Variants in PDE3A observed in about 807,000 individuals in gnomAD.
PDE3A encodes cGMP-inhibited 3',5'-cyclic phosphodiesterase 3A.
PDE3A carries 43 observed loss-of-function variants against 98.3 expected under a neutral mutation model. The observed-to-expected ratio is 0.44, with a 90% CI of 0.34 to 0.56. The LOEUF (loss-of-function observed/expected upper bound fraction) is 0.56. Ranked by LOEUF, PDE3A falls within the 20% of genes least tolerant of loss-of-function variation. PDE3A has a pLI of 0.01. For synonymous variants in PDE3A, 663 were observed against 567.9 expected (o/e 1.17, Z -2.38); for missense variants, 1,427 against 1,440.7 (o/e 0.99, Z 0.15).
chr12:20,508,609 C>T (rs913110654), intron 1 of PDE3A, among the ~76,000 whole-genome samples: 5 of 151,868 alleles, frequency 3.3e-5, no homozygotes, highest in African/African-American at 9.7e-5. Context: ...AGACGTCATA[C>T]CCTTTAAAGT....
At chr12:20,667,909 G>C (rs1042353442) in intron 15 of PDE3A, among the ~76,000 whole-genome samples, 1 of 152,210 alleles carries the variant, frequency 6.6e-6, no homozygotes, top group African/African-American at 2.4e-5. Flanking sequence ...GCAGAAGATG[G>C]TGATTTCTGC....
chr12:20,639,217 C>T (rs1333902336), intron 9 of PDE3A, among the ~76,000 whole-genome samples: 2 of 151,884 alleles, frequency 1.3e-5, no homozygotes, highest in East Asian at 1.9e-4. Flanking sequence ...AAAATTGCTA[C>T]AAAATATTTT....
intron 1 of PDE3A, among the ~76,000 whole-genome samples, chr12:20,503,474 C>T (rs1055795436): frequency 3.3e-5 from 5 of 151,956 alleles, no homozygotes; most frequent in African/African-American, 1.2e-4. Context: ...TTCTCCTCCT[C>T]ATCGATTTTC....
chr12:20,609,161 A>G (rs1298100569), intron 2 of PDE3A, among the ~76,000 whole-genome samples: 1 of 152,190 alleles, frequency 6.6e-6, no homozygotes, highest in East Asian at 1.9e-4. Context: ...CTTTATATGT[A>G]GAAAACCACA....
chr12:20,457,964 C>T lies in PDE3A; in HGVS notation c.960+87720C>T, dbSNP rs188442977. 3.0e-3 allele frequency among the ~76,000 whole-genome samples: 461 copies of T among 152,082 alleles called. 2 individuals carry two copies. Among genetic ancestry groups the T allele is most frequent in the Non-Finnish European group, 3.4e-3 (230 of 67,942 alleles). ...AGATATTATGATTACTTTTGTGATTCGTTTAGATACTAACTTTACTAATTG... is the reference window on the plus strand; with the variant it reads ...AGATATTATGATTACTTTTGTGATTTGTTTAGATACTAACTTTACTAATTG... On this transcript the variant is annotated intron_variant, in intron 1 of 15. Coordinates refer to ENST00000359062, the MANE Select transcript of PDE3A (RefSeq NM_000921.5).
rs572991048 is a variant in PDE3A at position 20,589,494 on chromosome 12, A to G, written c.1012-23949A>G. 1.5e-3 allele frequency among the ~76,000 whole-genome samples: 224 copies of G among 152,294 alleles called. 1 individual carries two copies. Among genetic ancestry groups the G allele is most frequent in the Non-Finnish European group, 2.2e-3 (147 of 68,014 alleles). ...AACAGAAGTAGAAGGTTTGCTGGCA[A>G]TAGGTCTGTGCATTATGCTGAGATA... is the stretch of plus-strand genomic sequence containing the variant. On this transcript the variant is annotated intron_variant, in intron 2 of 15. Transcript: ENST00000359062.
chr12:20,637,162 G>T lies in PDE3A; in HGVS notation c.2064G>T (p.Gln688His). Residue 688 changes from glutamine to histidine, a missense_variant, in exon 9 of 16, where the codon CAG (glutamine) becomes CAT (histidine). Around this residue, in one of 3 missense-constraint regions of PDE3A, gnomAD observed 1,012 missense variants for 886.5 expected, o/e 1.14. Coordinates refer to ENST00000359062, the MANE Select transcript of PDE3A (RefSeq NM_000921.5). ...VMDNLDSIME[Q>H]LNTWNFPIFD... ...ATAACCTGGACTCAATTATGGAGCA[G>T]CTAAATACTTGGAATTTTCCAATTT... The T allele has an allele frequency of 6.2e-7, 1 of 1,609,720 alleles. No homozygotes were observed. The highest frequency in any genetic ancestry group is 1.1e-5 in the South Asian group (1 of 90,766).
In PDE3A at chr12:20,552,313, G is replaced by A. The variant is rs756395604; in HGVS notation, c.961-4347G>A. The A allele has an allele frequency of 1.2e-5, 19 of 1,613,850 alleles. No individual in the cohort carries two copies. Among genetic ancestry groups the A allele is most frequent in the Non-Finnish European group, 1.5e-5 (18 of 1,179,906 alleles). ...CCGCTACGATGGCATCTACAAGGTT[G>A]TGAAATACTGGCCCGAGAAGGGGAA... On this transcript the variant is annotated intron_variant, in intron 1 of 15. Transcript: ENST00000359062. The surrounding 1 kb of genome is among the most constrained non-coding windows in gnomAD (Gnocchi z 5.1).
chr12:20,522,654 T>C (rs1000884711), intron 1 of PDE3A, among the ~76,000 whole-genome samples: 1 of 152,092 alleles, frequency 6.6e-6, no homozygotes, highest in Non-Finnish European at 1.5e-5. Context: ...ACGGTTGGAA[T>C]TGTGATGTCT....
chr12:20,616,926 A>T (rs1243362373), intron 4 of PDE3A, among the ~76,000 whole-genome samples: 3 of 152,242 alleles, frequency 2.0e-5, no homozygotes, highest in Non-Finnish European at 4.4e-5. Flanking sequence ...CTTAAAAGCC[A>T]GAATTATCAA....
intron 1 of PDE3A, among the ~76,000 whole-genome samples, chr12:20,424,784 A>G (rs1435293662): frequency 1.3e-5 from 2 of 152,208 alleles, no homozygotes; most frequent in South Asian, 2.1e-4. Context: ...TAATATTGAA[A>G]AGAACAATAT....
chr12:20,603,487 A>G (rs1262004712), intron 2 of PDE3A, among the ~76,000 whole-genome samples: 1 of 152,204 alleles, frequency 6.6e-6, no homozygotes, highest in Non-Finnish European at 1.5e-5. Context: ...TAGGGAGTAC[A>G]ATATATCTGA....
At chr12:20,537,633 CT>C (rs1282697829) in intron 1 of PDE3A, among the ~76,000 whole-genome samples, 1 of 151,982 alleles carries the variant, frequency 6.6e-6, no homozygotes, top group Non-Finnish European at 1.5e-5. Context: ...ATGTTGTTTG[CT>C]TTATTTCTTA....
Position 20,685,240 on chromosome 12 carries a change from C to T in PDE3A, c.*4969C>T, listed in dbSNP as rs966327371. ...CCAGCCTGACCAACACGGAGAAACC[C>T]CGTCTTTACTAAAAATACAAAATGA... On this transcript the variant is annotated 3_prime_UTR_variant, in exon 16 of 16. Coordinates refer to ENST00000359062, the MANE Select transcript of PDE3A (RefSeq NM_000921.5). Among the ~76,000 whole-genome samples the T allele has an allele frequency of 1.3e-5, 2 of 151,794 alleles. No individual in the cohort carries two copies. The highest frequency in any genetic ancestry group is 2.9e-5 in the Non-Finnish European group (2 of 67,932).
At chr12:20,507,359 G>C (rs1170160168) in intron 1 of PDE3A, among the ~76,000 whole-genome samples, 1 of 152,034 alleles carries the variant, frequency 6.6e-6, no homozygotes, top group Non-Finnish European at 1.5e-5. Context: ...GTTTTTATAA[G>C]GAAGTTATGA....
intron 1 of PDE3A, among the ~76,000 whole-genome samples, chr12:20,437,804 G>A (rs571780420): frequency 1.3e-3 from 200 of 152,228 alleles, no homozygotes; most frequent in African/African-American, 3.2e-3. Flanking sequence ...ATCAAGGACC[G>A]TAATGGAAAT....
intron 14 of PDE3A, among the ~76,000 whole-genome samples, chr12:20,652,821 C>T (rs1944951378): frequency 6.6e-6 from 1 of 152,134 alleles, no homozygotes. Flanking sequence ...CCAAAATTGA[C>T]AAATGGGGAT....
intron 2 of PDE3A, among the ~76,000 whole-genome samples, chr12:20,587,517 CAG>C (rs1274203904): frequency 6.6e-6 from 1 of 151,954 alleles, no homozygotes; most frequent in Admixed American, 6.6e-5. Flanking sequence ...ATTTCTTTGA[CAG>C]AGAGTACAAA....
intron 1 of PDE3A, among the ~76,000 whole-genome samples, chr12:20,441,885 C>G (rs1944876283): frequency 6.6e-6 from 1 of 152,150 alleles, no homozygotes; most frequent in Non-Finnish European, 1.5e-5. Context: ...CCACAGCATG[C>G]ATTTCTTGTT....
Sources: allele counts gnomAD v4.1 joint callset (sites outside exome capture counted in the v4.1 genomes callset), GRCh38; gene constraint gnomAD v4.1.1; regional missense constraint gnomAD v4.1.1; non-coding constraint Gnocchi (gnomAD v3.1); transcripts MANE v1.5; gene names NCBI Gene and HGNC (gene_info 2026-07-23, HGNC 2026-07-21).